Variants in PCYT2 observed in about 807,000 individuals in gnomAD.
PCYT2 encodes the protein ethanolamine-phosphate cytidylyltransferase.
Under a neutral mutation model 50.0 loss-of-function variants are expected in PCYT2, and 33 were observed. The observed-to-expected ratio is 0.66, with a 90% CI of 0.50 to 0.88. The LOEUF is 0.88. Ranked by LOEUF, PCYT2 falls within the 40% of genes least tolerant of loss-of-function variation. PCYT2 has a pLI of 0.00. For synonymous variants in PCYT2, 240 were observed against 203.7 expected, an observed-to-expected ratio of 1.18 and a Z score of -1.52; for missense variants, 430 against 519.7, an observed-to-expected ratio of 0.83 and a Z score of 1.68.
Position 81,905,656 on chromosome 17 carries a change from A to G in PCYT2, c.903+14T>C, listed in dbSNP as rs774421524. 1.9e-6 allele frequency: 3 copies of G among 1,610,138 alleles called. No homozygotes were observed. Among genetic ancestry groups the G allele is most frequent in the East Asian group, 2.2e-5 (1 of 44,850 alleles). On this transcript the variant is annotated intron_variant, in intron 10 of 12. Transcript: ENST00000538936. ...TGAACAGAGGGAACGAGGTGAGCCC[A>G]TGCGGAGCCTCACCTTGAAGTGACT... is the stretch of plus-strand genomic sequence containing the variant.
chr17:81,907,401 C>A, intron 6 of PCYT2, 153 bp downstream of exon 6: 1 of 1,181,728 alleles, frequency 8.5e-7, no homozygotes, highest in South Asian at 1.4e-5. Flanking sequence ...CACCAGTGAG[C>A]CAAACCTGGC....
At chr17:81,905,261 G>T in intron 11 of PCYT2, 107 bp from the exon 12 acceptor site, 3 of 1,314,762 alleles carry the variant, frequency 2.3e-6, no homozygotes, top group Non-Finnish European at 3.2e-6. Context: ...TCCCATGGGA[G>T]TGGTGCAGTC....
At chr17:81,908,776 C>T (rs1224438889) in intron 3 of PCYT2, 100 bp downstream of exon 3, 18 of 1,379,064 alleles carry the variant, frequency 1.3e-5, no homozygotes, top group Non-Finnish European at 1.5e-5. Flanking sequence ...CTCAGATCCT[C>T]AAAGGGCGGA....
intron 7 of PCYT2, 39 bp from the exon 8 acceptor site, chr17:81,906,585 A>G: frequency 6.3e-7 from 1 of 1,597,926 alleles, no homozygotes; most frequent in Non-Finnish European, 8.6e-7. Flanking sequence ...TGGGGATGAC[A>G]GGGAGCAGCT....
rs538728395 is a variant in PCYT2 at position 81,910,791 on chromosome 17, C to T, written c.89+476G>A. On this transcript the variant is annotated intron_variant, in intron 1 of 12. Coordinates refer to ENST00000538936, the MANE Select transcript of PCYT2 (RefSeq NM_002861.5). ...CCGAAACTTTTCTTAAAACAATGCC[C>T]TCTGACTGGCCAGGGAAGACCGATC... 1.5e-4 allele frequency: 101 copies of T among 683,146 alleles called. No individual in the cohort carries two copies. In the South Asian group the frequency reaches 2.3e-3, roughly 15 times the overall value. 42.3% of individuals were successfully genotyped at this position (683,146 alleles called of 1,614,324 possible).
At position 81,904,611 on chromosome 17, in the gene PCYT2, G is replaced by A. The variant is rs899262901; in HGVS notation, c.*222C>T. ...GGTGCCGTCTGCCCGTCTCACTTCC[G>A]GCCTCTCCACTGTGCTGGACACCCT... On this transcript the variant is annotated 3_prime_UTR_variant, in exon 13 of 13. Coordinates refer to ENST00000538936, the MANE Select transcript of PCYT2 (RefSeq NM_002861.5). 3.4e-5 allele frequency: 18 copies of A among 525,424 alleles called. No homozygotes were observed. The highest frequency in any genetic ancestry group is 6.1e-5 in the East Asian group (2 of 33,018). 32.5% of individuals were successfully genotyped at this position (525,424 alleles called of 1,614,324 possible).
intron 1 of PCYT2, among the ~76,000 whole-genome samples, chr17:81,909,993 T>G (rs543189487): frequency 6.1e-4 from 93 of 152,246 alleles, no homozygotes; most frequent in African/African-American, 2.1e-3. Flanking sequence ...ACTCTTGGGG[T>G]AGGGTTGGAT....
rs2040017121 is a variant in PCYT2, at chr17:81,902,855, G to A, written c.*1978C>T. 5.2e-6 allele frequency: 5 copies of A among 967,096 alleles called. No homozygotes were observed. In the South Asian group the frequency reaches 7.2e-5, roughly 14 times the overall value. The allele number at this position is 967,096 out of a possible 1,614,324, so 59.9% of individuals were successfully genotyped here. A position where few individuals can be genotyped will look rare whatever the true frequency, so the allele number is the denominator to read the frequency against. ...TGGCGCCCCAGGTCTCCCCTACTCC[G>A]CTCACCCCGCAGTTAATGGCAAACG... On this transcript the variant is annotated 3_prime_UTR_variant, in exon 13 of 13. Coordinates refer to ENST00000538936, the MANE Select transcript of PCYT2 (RefSeq NM_002861.5).
Position 81,909,578 on chromosome 17 carries a change from G to A in PCYT2, c.114C>T (p.His38=), listed in dbSNP as rs1445761330. 2.0e-5 allele frequency: 32 copies of A among 1,613,606 alleles called. No individual in the cohort carries two copies. The highest frequency in any genetic ancestry group is 2.5e-5 in the Non-Finnish European group (30 of 1,179,776). ...DGCYDMVHYG[H]SNQLRQARAM... ...CCCGTGCCTGGCGCAGCTGGTTGGAGTGGCCGTAATGCACCATGTCATAGC... is the reference window on the plus strand; with the variant it reads ...CCCGTGCCTGGCGCAGCTGGTTGGAATGGCCGTAATGCACCATGTCATAGC... Residue 38 remains histidine (H), a synonymous_variant, in exon 2 of 13, where the codon CAC becomes CAT. Coordinates refer to ENST00000538936, the MANE Select transcript of PCYT2 (RefSeq NM_002861.5).
Position 81,902,666 on chromosome 17 carries a change from G to A in PCYT2, c.*2167C>T, listed in dbSNP as rs200237562. On this transcript the variant is annotated 3_prime_UTR_variant, in exon 13 of 13. Transcript: ENST00000538936. ...GCCCCAAACCTGCAGAGGTGCGAGCGGCTCCCCGACGGCCGCGGGACCTAC... is the reference window on the plus strand; with the variant it reads ...GCCCCAAACCTGCAGAGGTGCGAGCAGCTCCCCGACGGCCGCGGGACCTAC... 1.2e-6 allele frequency: 2 copies of A among 1,607,406 alleles called. No individual in the cohort carries two copies. Among genetic ancestry groups the A allele is most frequent in the Non-Finnish European group, 8.5e-7 (1 of 1,178,474 alleles).
rs2040012786 is a variant in PCYT2 at position 81,902,772 on chromosome 17, TG to T, written c.*2060del. On this transcript the variant is annotated 3_prime_UTR_variant, in exon 13 of 13. Transcript: ENST00000538936. ...GAGCCCGGACCTCTCCTGGCACCGC[TG>T]GGGGCCCCCCGCCCCCACCGTCCCA... The T allele has an allele frequency of 3.8e-6, 6 of 1,585,992 alleles. No homozygotes were observed. Among genetic ancestry groups the T allele is most frequent in the South Asian group, 2.3e-5 (2 of 88,020 alleles).
chr17:81,907,705 G>A (rs2040352509), intron 5 of PCYT2, 68 bp downstream of exon 5: 2 of 1,584,660 alleles, frequency 1.3e-6, no homozygotes, highest in South Asian at 2.2e-5. Flanking sequence ...TGAGAGGGCA[G>A]GGAGGTGCCC....
Position 81,904,946 on chromosome 17 carries a change from T to TGG in PCYT2, c.1059-3_1059-2insCC, listed in dbSNP as rs1213882236. On this transcript the variant is annotated splice_polypyrimidine_tract_variant and splice_region_variant and intron_variant, in intron 12 of 12. Transcript: ENST00000538936. The stretch of plus-strand genomic sequence containing the variant: ...TGGTTTCGCGCCTCATACTCCAACC[T>TGG]GAGAGGGCAGGGTAAGTCTAGCAGA... The TGG allele has an allele frequency of 1.0e-5, 16 of 1,605,226 alleles. No individual in the cohort carries two copies. In the African/African-American group the frequency reaches 1.9e-4, roughly 19 times the overall value.
At position 81,906,398 on chromosome 17, in the gene PCYT2, C is replaced by G. The variant is rs146979389; in HGVS notation, c.759+66G>C. 2.2e-3 allele frequency: 3,308 copies of G among 1,498,748 alleles called. 48 individuals are homozygous for G. In the African/African-American group the frequency reaches 0.04, roughly 18 times the overall value. The allele number at this position is 1,498,748 out of a possible 1,614,324, so 92.8% of individuals were successfully genotyped here. ...CCCAGAGACCACCTGCACCTAACAGCAACGCTTAGGGCCCCTCGAGGGCCC... is the reference window on the plus strand; with the variant it reads ...CCCAGAGACCACCTGCACCTAACAGGAACGCTTAGGGCCCCTCGAGGGCCC... On this transcript the variant is annotated intron_variant, in intron 8 of 12. Coordinates refer to ENST00000538936, the MANE Select transcript of PCYT2 (RefSeq NM_002861.5).
At chr17:81,909,476 C>A in intron 2 of PCYT2, 38 bp downstream of exon 2, 1 of 1,579,670 alleles carries the variant, frequency 6.3e-7, no homozygotes. Context: ...CACAGGAGGG[C>A]TGGGGGGCCG....
Position 81,902,294 on chromosome 17 carries a change from C to T in PCYT2, c.*2539G>A. 2.3e-6 allele frequency: 3 copies of T among 1,322,552 alleles called. No homozygotes were observed. The highest frequency in any genetic ancestry group is 2.9e-6 in the Non-Finnish European group (3 of 1,043,306). 81.9% of individuals were successfully genotyped at this position (1,322,552 alleles called of 1,614,324 possible). ...GGCGTCCCCATGGCCCGGTCCGCGA[C>T]ACTGGCGGCCGCCGCCCTGGCGCTG... On this transcript the variant is annotated 3_prime_UTR_variant, in exon 13 of 13. Coordinates refer to ENST00000538936, the MANE Select transcript of PCYT2 (RefSeq NM_002861.5).
Position 81,909,596 on chromosome 17 carries a change from G to A in PCYT2, c.96C>T (p.Asp32=), listed in dbSNP as rs1266459614. The part of the protein sequence containing the change: ...AVRVWCDGCY[D]MVHYGHSNQL... ...GGTTGGAGTGGCCGTAATGCACCAT[G>A]TCATAGCTGTGGAGACAGAGAGAGT... The change falls in exon 2 of 13, where the codon GAC becomes GAT. Residue 32 remains aspartate, a synonymous_variant. Coordinates refer to ENST00000538936, the MANE Select transcript of PCYT2 (RefSeq NM_002861.5). The A allele has an allele frequency of 6.2e-7, 1 of 1,613,128 alleles. No homozygotes were observed. The highest frequency in any genetic ancestry group is 1.3e-5 in the African/African-American group (1 of 74,934).
chr17:81,908,711 C>T (rs951124916), intron 3 of PCYT2, 77 bp from the exon 4 acceptor site: 1 of 1,374,590 alleles, frequency 7.3e-7, no homozygotes, highest in Non-Finnish European at 1.0e-6. Context: ...CCCTCTCGGC[C>T]CCTGGCCTGC....
chr17:81,902,552 TGGGGGGCGGCGGCAGGACGTGGGTG>T lies in PCYT2; in HGVS notation c.*2256_*2280del, dbSNP rs1272524587. ...GTGAGTCCGGCGTGCCGGGGACTGA[TGGGGGGCGGCGGCAGGACGTGGGTG>T]GGGGTGCGGCGGCCCCTCAGCCTTT... is the stretch of plus-strand genomic sequence containing the variant. On this transcript the variant is annotated 3_prime_UTR_variant, in exon 13 of 13. Transcript: ENST00000538936. The T allele has an allele frequency of 2.0e-6, 3 of 1,493,490 alleles. No homozygotes were observed. The highest frequency in any genetic ancestry group is 2.7e-6 in the Non-Finnish European group (3 of 1,127,192). 92.5% of individuals were successfully genotyped at this position (1,493,490 alleles called of 1,614,324 possible).
Sources: gnomAD v4.1 joint callset for allele counts (sites outside exome capture counted in the v4.1 genomes callset) on GRCh38, gnomAD v4.1.1 for gene constraint, MANE v1.5 for transcripts, NCBI Gene and HGNC (gene_info 2026-07-23, HGNC 2026-07-21) for gene names.